The following TRIM23 variants were observed in gnomAD, a reference collection of about 807,000 sequenced individuals.
The protein encoded by TRIM23 is E3 ubiquitin-protein ligase TRIM23.
Under a neutral mutation model 71.0 loss-of-function variants are expected in TRIM23, and 27 were observed. The ratio of observed to expected loss-of-function variants is 0.38; its 90% CI spans 0.28 to 0.52. The LOEUF is 0.52. TRIM23 is among the 20% of genes least tolerant of loss of function. The pLI is 0.84. For synonymous variants in TRIM23, 234 were observed against 238.0 expected (o/e 0.98, Z 0.16); for missense variants, 482 against 692.3 (o/e 0.70, Z 3.41).
rs1395422142 is a variant in TRIM23, at chr5:65,591,788, C to A, written c.1706G>T (p.Gly569Val). 6.2e-7 allele frequency: 1 copy of A among 1,611,150 alleles called. No individual in the cohort carries two copies. Among genetic ancestry groups the A allele is most frequent in the Non-Finnish European group, 8.5e-7 (1 of 1,178,242 alleles). ...TTAAAATCAAGCAACATCCAATACT[C>A]CAGCAGCTACAAGTTGCCGTGAGAG... Reference protein sequence around the residue: ...DWLSRQLVAAGVLDVA With the variant: ...DWLSRQLVAAVVLDVA The change falls in exon 11 of 11, where the codon GGA becomes GTA. Residue 569 changes from glycine (G) to valine (V), a missense_variant. Coordinates refer to ENST00000231524, the MANE Select transcript of TRIM23 (RefSeq NM_001656.4).
At chr5:65,602,825 C>A (rs1055645061) in intron 7 of TRIM23, among the ~76,000 whole-genome samples, 1 of 152,130 alleles carries the variant, frequency 6.6e-6, no homozygotes, top group Non-Finnish European at 1.5e-5. Flanking sequence ...TTCACTATCA[C>A]AAGAATAGCA....
chr5:65,611,753 T>C lies in TRIM23; in HGVS notation c.495A>G (p.Arg165=). The C allele has an allele frequency of 6.2e-7, 1 of 1,614,212 alleles. No individual in the cohort carries two copies. Among genetic ancestry groups the C allele is most frequent in the Non-Finnish European group, 8.5e-7 (1 of 1,180,034 alleles). The stretch of plus-strand genomic sequence containing the variant: ...CATGAGGTTTATCAGCTAGAGGAAC[T>C]CGCCTGTGCTTTGCTAATGTCTTTG... The part of the protein sequence containing the change: ...HSTKTLAKHR[R]VPLADKPHEK... The change falls in exon 4 of 11, where the codon CGA becomes CGG. Residue 165 remains arginine, a synonymous_variant. Transcript: ENST00000231524.
At chr5:65,618,981 C>T (rs1341216165) in intron 1 of TRIM23, among the ~76,000 whole-genome samples, 1 of 152,150 alleles carries the variant, frequency 6.6e-6, no homozygotes, top group South Asian at 2.1e-4. Context: ...TTATGTTTTA[C>T]AAATAGTCAA....
Position 65,605,007 on chromosome 5 carries a change from T to G in TRIM23, c.1083A>C (p.Thr361=). The G allele has an allele frequency of 6.2e-7, 1 of 1,613,846 alleles. No individual in the cohort carries two copies. Among genetic ancestry groups the G allele is most frequent in the Non-Finnish European group, 8.5e-7 (1 of 1,179,938 alleles). The change falls in exon 7 of 11, where the codon ACA becomes ACC. Residue 361 remains threonine (T), a synonymous_variant. Transcript: ENST00000231524. ...CRVVLAKQEI[T]RLLETLQKQQ... is the part of the protein sequence containing the mutation. Reference sequence around the variant, plus strand: ...GTTTCTGCAATGTTTCCAGTAACCTTGTAATTTCCTGTTTTGCCAAGACAA... The same window carrying G: ...GTTTCTGCAATGTTTCCAGTAACCTGGTAATTTCCTGTTTTGCCAAGACAA...
intron 2 of TRIM23, among the ~76,000 whole-genome samples, chr5:65,614,552 T>C (rs917336749): frequency 1.3e-4 from 20 of 152,042 alleles, no homozygotes; most frequent in Non-Finnish European, 2.2e-4. Flanking sequence ...CCAGTCAACA[T>C]GGTGAAATCC....
chr5:65,600,830 G>A (rs1024730005), intron 7 of TRIM23, among the ~76,000 whole-genome samples: 5 of 152,096 alleles, frequency 3.3e-5, no homozygotes, highest in Admixed American at 2.0e-4. Flanking sequence ...CAAAAAGTGA[G>A]CGAAGGACAG....
chr5:65,604,783 T>C (rs976084526), intron 7 of TRIM23, 128 bp downstream of exon 7: 2 of 858,702 alleles, frequency 2.3e-6, no homozygotes, highest in Non-Finnish European at 1.6e-6. Flanking sequence ...TTTCCACTGA[T>C]AAAAGTTTTC....
At chr5:65,597,830 T>C (rs182539559) in intron 7 of TRIM23, among the ~76,000 whole-genome samples, 115 of 152,340 alleles carry the variant, frequency 7.5e-4, no homozygotes, top group Non-Finnish European at 2.1e-4. Context: ...TGAACATTTT[T>C]ATATATTACT....
At chr5:65,619,238 C>G (rs998286734) in intron 1 of TRIM23, among the ~76,000 whole-genome samples, 10 of 152,244 alleles carry the variant, frequency 6.6e-5, no homozygotes, top group Admixed American at 2.0e-4. Flanking sequence ...GAAACTGTTT[C>G]ATGTCTCTTC....
At chr5:65,609,183 C>T (rs1454304826) in intron 6 of TRIM23, 60 bp downstream of exon 6, 13 of 1,533,258 alleles carry the variant, frequency 8.5e-6, no homozygotes, top group Non-Finnish European at 9.0e-7. Context: ...TAATGTATAC[C>T]TCTGGTAATT....
Position 65,589,735 on chromosome 5 carries a change from G to A in TRIM23, c.*2034C>T, listed in dbSNP as rs549927343. ...TGTCTATACTTATCATATATGTAGT[G>A]CAAATAATGGCTTCTGATGGTTATA... On this transcript the variant is annotated 3_prime_UTR_variant, in exon 11 of 11. Transcript: ENST00000231524. 2.0e-5 allele frequency: 3 copies of A among 152,322 alleles called. No individual in the cohort carries two copies. The highest frequency in any genetic ancestry group is 7.2e-5 in the African/African-American group (3 of 41,408). The allele number at this position is 152,322 out of a possible 1,614,324, so 9.4% of individuals were successfully genotyped here. A position where few individuals can be genotyped will look rare whatever the true frequency, so the allele number is the denominator to read the frequency against.
rs575415704 is a variant in TRIM23, at chr5:65,616,104, G to C, written c.245-1885C>G. On this transcript the variant is annotated intron_variant, in intron 2 of 10. Coordinates refer to ENST00000231524, the MANE Select transcript of TRIM23 (RefSeq NM_001656.4). ...ATGAACATCACACAGTGATGCGTAA[G>C]AGGGCAAGGAAGTGTAATTTCACCA... 2.0e-5 allele frequency among the ~76,000 whole-genome samples: 3 copies of C among 152,332 alleles called. No homozygotes were observed. In the South Asian group the frequency reaches 6.2e-4, roughly 32 times the overall value.
At chr5:65,617,554 T>A (rs1297291168) in intron 2 of TRIM23, among the ~76,000 whole-genome samples, 1 of 152,092 alleles carries the variant, frequency 6.6e-6, no homozygotes, top group South Asian at 2.1e-4. Flanking sequence ...TAGTTTGAAA[T>A]ACGTAAAGAA....
chr5:65,601,194 C>T (rs974940696), intron 7 of TRIM23, among the ~76,000 whole-genome samples: 17 of 152,208 alleles, frequency 1.1e-4, no homozygotes, highest in Non-Finnish European at 1.8e-4. Flanking sequence ...TGTACACTCA[C>T]GTACACAGCA....
At chr5:65,595,335 A>ACTC in intron 9 of TRIM23, among the ~76,000 whole-genome samples, 1 of 152,000 alleles carries the variant, frequency 6.6e-6, no homozygotes, top group Admixed American at 6.6e-5. Flanking sequence ...AGACGGGCGG[A>ACTC]TCACGAGGTC....
chr5:65,614,351 A>AT (rs1754728903), intron 2 of TRIM23, 132 bp from the exon 3 acceptor site: 6 of 810,064 alleles, frequency 7.4e-6, no homozygotes, highest in Non-Finnish European at 5.8e-6. Context: ...AATTTTCCCC[A>AT]TTTTTAATAC....
intron 1 of TRIM23, among the ~76,000 whole-genome samples, chr5:65,619,093 A>G (rs1469705169): frequency 6.6e-6 from 1 of 152,220 alleles, no homozygotes; most frequent in Non-Finnish European, 1.5e-5. Context: ...CCCACACTGT[A>G]CTATTCAATC....
chr5:65,618,031 C>T lies in TRIM23; in HGVS notation c.244+62G>A, dbSNP rs892698597. On this transcript the variant is annotated intron_variant, in intron 2 of 10. Transcript: ENST00000231524. Reference sequence around the variant, plus strand: ...AAATCAAGTGGAAGGACATTGTTTCCTATGACATTTGCATTACATGAACAA... The same window carrying T: ...AAATCAAGTGGAAGGACATTGTTTCTTATGACATTTGCATTACATGAACAA... 3.5e-6 allele frequency: 5 copies of T among 1,438,170 alleles called. No homozygotes were observed. The South Asian group carries it at 4.5e-5, about 13-fold the overall frequency. The allele number at this position is 1,438,170 out of a possible 1,614,324, so 89.1% of individuals were successfully genotyped here.
chr5:65,604,436 C>T (rs1754444005), intron 7 of TRIM23, among the ~76,000 whole-genome samples: 1 of 152,050 alleles, frequency 6.6e-6, no homozygotes, highest in Admixed American at 6.6e-5. Flanking sequence ...TTTGGAGATA[C>T]ACCCTAAAAT....
Sources: allele counts gnomAD v4.1 joint callset (sites outside exome capture counted in the v4.1 genomes callset), GRCh38; gene constraint gnomAD v4.1.1; transcripts MANE v1.5; gene names NCBI Gene and HGNC (gene_info 2026-07-23, HGNC 2026-07-21).